The following ENTHD1 variants were observed in gnomAD, a reference collection of about 807,000 sequenced individuals.
ENTHD1 encodes ENTH domain containing 1.
Under a neutral mutation model 39.1 loss-of-function variants are expected in ENTHD1, and 23 were observed. The ratio of observed to expected loss-of-function variants is 0.59; its 90% CI spans 0.42 to 0.83. The LOEUF (loss-of-function observed/expected upper bound fraction) is 0.83, where lower values mean the gene tolerates loss of function less well. Among genes scored for constraint, ENTHD1 ranks in the 40% least tolerant of loss-of-function variants. ENTHD1 has a pLI of 0.00. For synonymous variants in ENTHD1, 230 were observed against 258.2 expected (o/e 0.89, Z 1.05); for missense variants, 624 against 705.4 (o/e 0.88, Z 1.31).
intron 5 of ENTHD1, among the ~76,000 whole-genome samples, chr22:39,771,968 T>A (rs911847503): frequency 2.6e-5 from 4 of 152,184 alleles, no homozygotes; most frequent in Non-Finnish European, 5.9e-5. Flanking sequence ...CTTAATTTTT[T>A]AAAAATAAAA....
chr22:39,791,269 C>A (rs977126562), intron 5 of ENTHD1, among the ~76,000 whole-genome samples: 1 of 146,586 alleles, frequency 6.8e-6, no homozygotes, highest in African/African-American at 2.5e-5. Flanking sequence ...ATAGTCTAGA[C>A]TATATATAGT....
intron 5 of ENTHD1, among the ~76,000 whole-genome samples, chr22:39,814,776 AT>A: frequency 6.6e-6 from 1 of 152,220 alleles, no homozygotes. Context: ...TAAATATTTA[AT>A]TGTGGGAAGC....
chr22:39,766,252 T>A (rs2065276982), intron 5 of ENTHD1, among the ~76,000 whole-genome samples: 1 of 152,196 alleles, frequency 6.6e-6, no homozygotes, highest in South Asian at 2.1e-4. Context: ...GGGCTGGAGA[T>A]CTTTGTCCAT....
At position 39,865,445 on chromosome 22, in the gene ENTHD1, G is replaced by A. The variant is rs1052913316; in HGVS notation, c.350-3438C>T. Among the ~76,000 whole-genome samples, 5 of 151,734 alleles carry A rather than the reference G, an allele frequency of 3.3e-5. No homozygotes were observed. In the East Asian group the frequency reaches 7.7e-4, roughly 23 times the overall value. On this transcript the variant is annotated intron_variant, in intron 2 of 6. Transcript: ENST00000325157. ...GAAAGTGAGAAAATCTAAGAAGAAC[G>A]TAATAAACCTGCTTCAAGGATGAGT...
At chr22:39,843,700 C>T (rs992729088) in intron 3 of ENTHD1, among the ~76,000 whole-genome samples, 10 of 152,104 alleles carry the variant, frequency 6.6e-5, no homozygotes, top group African/African-American at 2.4e-4. Context: ...CTGTAGCACA[C>T]TTGCAATAAA....
At chr22:39,891,653 C>T (rs1454062692) in intron 1 of ENTHD1, among the ~76,000 whole-genome samples, 1 of 150,824 alleles carries the variant, frequency 6.6e-6, no homozygotes, top group Non-Finnish European at 1.5e-5. Context: ...GGGTCTTGCT[C>T]TGTCACCCAG....
At chr22:39,803,640 A>T (rs990893243) in intron 5 of ENTHD1, among the ~76,000 whole-genome samples, 1 of 152,070 alleles carries the variant, frequency 6.6e-6, no homozygotes, top group Non-Finnish European at 1.5e-5. Context: ...TACAATTAAC[A>T]CCTAGATGCT....
At chr22:39,886,418 A>G (rs1015070050) in intron 2 of ENTHD1, among the ~76,000 whole-genome samples, 2 of 152,206 alleles carry the variant, frequency 1.3e-5, no homozygotes. Context: ...ACAATAATGT[A>G]TCAGCATTTG....
intron 6 of ENTHD1, among the ~76,000 whole-genome samples, chr22:39,752,046 G>A (rs1467288011): frequency 4.6e-5 from 7 of 151,860 alleles, no homozygotes; most frequent in African/African-American, 1.7e-4. Flanking sequence ...AAGAGAGAAA[G>A]CTTTATTTCT....
chr22:39,774,111 A>G (rs2065349037), intron 5 of ENTHD1, among the ~76,000 whole-genome samples: 1 of 152,176 alleles, frequency 6.6e-6, no homozygotes, highest in African/African-American at 2.4e-5. Context: ...GATTGATGAG[A>G]AAGAATGAAA....
intron 5 of ENTHD1, 123 bp from the exon 6 acceptor site, chr22:39,765,732 C>T (rs1031304612): frequency 1.0e-6 from 1 of 998,038 alleles, no homozygotes; most frequent in Non-Finnish European, 1.4e-6. Flanking sequence ...TCCTATTTAG[C>T]CCTCTGCTTT....
At chr22:39,852,002 T>C (rs574963494) in intron 3 of ENTHD1, among the ~76,000 whole-genome samples, 52 of 152,238 alleles carry the variant, frequency 3.4e-4, no homozygotes, top group Non-Finnish European at 6.6e-4. Context: ...ATAATTTCTC[T>C]CTAGCTATCC....
chr22:39,792,453 T>G (rs2065512157), intron 5 of ENTHD1, among the ~76,000 whole-genome samples: 2 of 152,220 alleles, frequency 1.3e-5, no homozygotes, highest in African/African-American at 4.8e-5. Flanking sequence ...TACCACAAAT[T>G]AGATGTTATA....
At chr22:39,757,073 A>G (rs2065190995) in intron 6 of ENTHD1, among the ~76,000 whole-genome samples, 1 of 151,914 alleles carries the variant, frequency 6.6e-6, no homozygotes, top group South Asian at 2.1e-4. Flanking sequence ...TTGGAGAAAA[A>G]TTACATCTTA....
chr22:39,754,001 T>C (rs1033371559), intron 6 of ENTHD1, among the ~76,000 whole-genome samples: 1 of 152,160 alleles, frequency 6.6e-6, no homozygotes, highest in Non-Finnish European at 1.5e-5. Flanking sequence ...TCTCCACCCC[T>C]TCAACCACTT....
chr22:39,848,507 C>T (rs927841780), intron 3 of ENTHD1, among the ~76,000 whole-genome samples: 2 of 152,212 alleles, frequency 1.3e-5, no homozygotes, highest in African/African-American at 4.8e-5. Flanking sequence ...CTACCTTGGC[C>T]TCCCAAAGTG....
intron 2 of ENTHD1, among the ~76,000 whole-genome samples, chr22:39,868,466 A>G (rs1385667441): frequency 6.6e-6 from 1 of 152,198 alleles, no homozygotes; most frequent in East Asian, 1.9e-4. Context: ...ATCTAACGCT[A>G]AGAAAGTCAG....
At chr22:39,769,850 T>C (rs79564703) in intron 5 of ENTHD1, among the ~76,000 whole-genome samples, 3,073 of 152,070 alleles carry the variant, frequency 0.02, 45 homozygotes, top group East Asian at 0.07. Flanking sequence ...AAGGAAAAGT[T>C]TGTGGAGGAG....
intron 6 of ENTHD1, among the ~76,000 whole-genome samples, chr22:39,759,878 CTA>C (rs1329300655): frequency 6.6e-6 from 1 of 151,958 alleles, no homozygotes; most frequent in Non-Finnish European, 1.5e-5. Context: ...TGGAGTTCTT[CTA>C]TGTATTTCAT....
Sources: allele counts gnomAD v4.1 joint callset (sites outside exome capture counted in the v4.1 genomes callset), GRCh38; gene constraint gnomAD v4.1.1; transcripts MANE v1.5; gene names NCBI Gene and HGNC (gene_info 2026-07-23, HGNC 2026-07-21).